Variants in INSL6 observed in about 807,000 individuals in gnomAD.
INSL6 encodes insulin-like peptide INSL6.
A neutral mutation model predicts 9.4 loss-of-function variants in INSL6; 16 were observed. The observed-to-expected ratio is 1.70, with a 90% CI of 1.15 to 2.59. The LOEUF (loss-of-function observed/expected upper bound fraction) is 2.59, where lower values mean the gene tolerates loss of function less well. Among genes scored for constraint, INSL6 ranks in the 30% most tolerant of loss-of-function variants. INSL6 has a pLI of 0.00. For missense variants in INSL6, 391 were observed against 257.3 expected (o/e 1.52, Z -3.56); for synonymous variants, 154 against 96.9 (o/e 1.59, Z -3.46).
chr9:5,164,785 G>T (rs1305986960), intron 1 of INSL6, among the ~76,000 whole-genome samples: 1 of 152,148 alleles, frequency 6.6e-6, no homozygotes, highest in East Asian at 1.9e-4. Flanking sequence ...TGTTTTCAAG[G>T]TTCACCTACA....
At chr9:5,010,363 G>A in the INSL6 span, among the ~76,000 whole-genome samples, 44 of 138,580 alleles carry the variant, frequency 3.2e-4, no homozygotes, top group Non-Finnish European at 5.7e-4. Context: ...TCGCTCTGTC[G>A]CCCAGGCTGG....
chr9:5,136,315 A>G (rs966730474), intron 2 of INSL6, among the ~76,000 whole-genome samples: 1 of 152,062 alleles, frequency 6.6e-6, no homozygotes, highest in Non-Finnish European at 1.5e-5. Context: ...GAGACACAAC[A>G]AAAAAAGAGA....
At chr9:5,115,328 C>G in the INSL6 span, among the ~76,000 whole-genome samples, 1 of 152,154 alleles carries the variant, frequency 6.6e-6, no homozygotes, top group Non-Finnish European at 1.5e-5. Context: ...CATCACTGGT[C>G]ATCAGAGAAA....
At chr9:5,091,998 T>C in the INSL6 span, among the ~76,000 whole-genome samples, 7 of 152,230 alleles carry the variant, frequency 4.6e-5, no homozygotes, top group African/African-American at 1.7e-4. Context: ...ATACTGCCGA[T>C]TGCTAGGTGC....
intron 2 of INSL6, among the ~76,000 whole-genome samples, chr9:5,149,305 C>T (rs1824666081): frequency 6.6e-6 from 1 of 152,192 alleles, no homozygotes; most frequent in African/African-American, 2.4e-5. Context: ...TTTTTCTATT[C>T]ACCTTCAGTG....
the INSL6 span, among the ~76,000 whole-genome samples, chr9:5,102,654 T>G: frequency 6.6e-6 from 1 of 152,132 alleles, no homozygotes. Flanking sequence ...AAATGTCGGG[T>G]TGCCCACAAA....
the INSL6 span, chr9:5,090,982 A>G: frequency 4.0e-5 from 45 of 1,120,164 alleles, no homozygotes; most frequent in Non-Finnish European, 5.2e-5. Context: ...GTTATTTAAT[A>G]GTTTGCCATT....
the INSL6 span, among the ~76,000 whole-genome samples, chr9:5,042,599 A>AGGCGCAGCCCC: frequency 1.3e-5 from 2 of 151,668 alleles, no homozygotes; most frequent in African/African-American, 4.9e-5. Flanking sequence ...CCCAGGGCTG[A>AGGCGCAGCCCC]GGCCCAGCCA....
At chr9:5,110,826 T>G in the INSL6 span, 1 of 441,156 alleles carries the variant, frequency 2.3e-6, no homozygotes. Flanking sequence ...GCATCGCCCG[T>G]TTGTTCGGGG....
At chr9:5,175,812 G>C (rs779693885) in intron 1 of INSL6, among the ~76,000 whole-genome samples, 12 of 152,114 alleles carry the variant, frequency 7.9e-5, no homozygotes, top group Non-Finnish European at 1.3e-4. Context: ...ATCACCCCCA[G>C]ATGGGACCAT....
chr9:5,115,504 A>G, the INSL6 span, among the ~76,000 whole-genome samples: 1 of 152,158 alleles, frequency 6.6e-6, no homozygotes, highest in Admixed American at 6.5e-5. Flanking sequence ...ACAGTGTGGC[A>G]ATTCCTCCAG....
chr9:5,175,606 G>A (rs1825282145), intron 1 of INSL6, among the ~76,000 whole-genome samples: 1 of 152,176 alleles, frequency 6.6e-6, no homozygotes, highest in Non-Finnish European at 1.5e-5. Flanking sequence ...GGGCAGGCGA[G>A]CGAGCAAAGC....
At chr9:5,102,075 G>A in the INSL6 span, among the ~76,000 whole-genome samples, 1 of 152,188 alleles carries the variant, frequency 6.6e-6, no homozygotes, top group Non-Finnish European at 1.5e-5. Flanking sequence ...CAGAAGGTTG[G>A]TAATAACAAA....
At chr9:5,145,815 T>C (rs1824592030) in intron 2 of INSL6, among the ~76,000 whole-genome samples, 1 of 152,226 alleles carries the variant, frequency 6.6e-6, no homozygotes. Context: ...GGTTACATTC[T>C]TTTCTAGACT....
chr9:5,179,774 G>T (rs1317004133), intron 1 of INSL6, among the ~76,000 whole-genome samples: 4 of 152,172 alleles, frequency 2.6e-5, no homozygotes, highest in Admixed American at 6.5e-5. Context: ...GTTCTCACTT[G>T]TAAGTGTGAA....
At chr9:5,173,169 G>C (rs749819424) in intron 1 of INSL6, among the ~76,000 whole-genome samples, 7 of 152,138 alleles carry the variant, frequency 4.6e-5, no homozygotes, top group Non-Finnish European at 8.8e-5. Context: ...ACTGTTGGTG[G>C]GAATGTAAAT....
downstream of INSL6, among the ~76,000 whole-genome samples, chr9:5,163,335 C>A (rs1000683497): frequency 7.2e-5 from 11 of 152,188 alleles, no homozygotes; most frequent in Non-Finnish European, 1.5e-4. Flanking sequence ...AAAGCAAAGA[C>A]AGGGTATCTT....
At chr9:5,113,185 C>G in the INSL6 span, among the ~76,000 whole-genome samples, 1 of 126,618 alleles carries the variant, frequency 7.9e-6, no homozygotes, top group Admixed American at 8.6e-5. Flanking sequence ...TCTGGGCTGG[C>G]AGGAGCTTTT....
At chr9:5,039,039 A>G in the INSL6 span, among the ~76,000 whole-genome samples, 1 of 152,144 alleles carries the variant, frequency 6.6e-6, no homozygotes, top group African/African-American at 2.4e-5. Flanking sequence ...AAAAAATTCA[A>G]AAGTAATGTC....
Sources: gnomAD v4.1 joint callset for allele counts (sites outside exome capture counted in the v4.1 genomes callset) on GRCh38, gnomAD v4.1.1 for gene constraint, MANE v1.5 for transcripts, NCBI Gene and HGNC (gene_info 2026-07-23, HGNC 2026-07-21) for gene names.